PARP8: variants seen among roughly 807,000 people sequenced by gnomAD.
PARP8 encodes poly(ADP-ribose) polymerase family member 8, also known as protein mono-ADP-ribosyltransferase PARP8.
PARP8 carries 51 observed loss-of-function variants against 124.1 expected under a neutral mutation model. The ratio of observed to expected loss-of-function variants is 0.41; its 90% CI spans 0.33 to 0.52. PARP8 has a LOEUF of 0.52. Ranked by LOEUF, PARP8 falls within the 20% of genes least tolerant of loss-of-function variation. PARP8 has a pLI of 0.21. For synonymous variants in PARP8, 391 were observed against 361.5 expected, an observed-to-expected ratio of 1.08 and a Z score of -0.93; for missense variants, 860 against 1,018.9, an observed-to-expected ratio of 0.84 and a Z score of 2.12.
chr5:50,785,538 C>G (rs183688348), intron 9 of PARP8, among the ~76,000 whole-genome samples: 82 of 152,258 alleles, frequency 5.4e-4, no homozygotes, highest in Admixed American at 4.6e-3. Context: ...AGAGAAAATA[C>G]AGTGCTTTCT....
rs868321289 is a variant in PARP8 at position 50,668,324 on chromosome 5, G to C, written c.146+199G>C. The C allele has an allele frequency of 4.5e-5, 27 of 597,610 alleles. No homozygotes were observed. In the Admixed American group the frequency reaches 7.1e-4, roughly 16 times the overall value. 37.0% of individuals were successfully genotyped at this position (597,610 alleles called of 1,614,324 possible). ...AATCAATGTTTGATTCAGGTGTTTC[G>C]AGGACCACGCCACAGGCAATGAGCA... is the stretch of plus-strand genomic sequence containing the variant. On this transcript the variant is annotated intron_variant, in intron 2 of 25. Transcript: ENST00000281631.
intron 2 of PARP8, among the ~76,000 whole-genome samples, chr5:50,742,728 CTG>C (rs1477453118): frequency 1.3e-5 from 2 of 152,170 alleles, no homozygotes; most frequent in Non-Finnish European, 2.9e-5. Flanking sequence ...AACCACATGT[CTG>C]TAGGGCACCA....
intron 16 of PARP8, among the ~76,000 whole-genome samples, chr5:50,821,916 A>G (rs1296978960): frequency 6.6e-6 from 1 of 152,244 alleles, no homozygotes; most frequent in Non-Finnish European, 1.5e-5. Flanking sequence ...TATCATTTGT[A>G]TACTGTCAAC....
intron 25 of PARP8, among the ~76,000 whole-genome samples, chr5:50,841,274 G>A (rs1379162786): frequency 6.6e-6 from 1 of 151,774 alleles, no homozygotes; most frequent in Non-Finnish European, 1.5e-5. Flanking sequence ...TATTGCCCAA[G>A]TAACTGTATT....
chr5:50,714,224 A>G (rs947794409), intron 2 of PARP8, among the ~76,000 whole-genome samples: 1 of 151,766 alleles, frequency 6.6e-6, no homozygotes, highest in African/African-American at 2.4e-5. Flanking sequence ...TTGGAACTCA[A>G]TACCTTACAC....
chr5:50,708,712 A>G (rs192020438), intron 2 of PARP8, among the ~76,000 whole-genome samples: 3 of 148,702 alleles, frequency 2.0e-5, no homozygotes, highest in Non-Finnish European at 2.9e-5. Context: ...AAAAATACCT[A>G]TCAGGCTTGG....
At chr5:50,812,641 T>C (rs1307425944) in intron 14 of PARP8, among the ~76,000 whole-genome samples, 6 of 152,146 alleles carry the variant, frequency 3.9e-5, no homozygotes, top group Non-Finnish European at 7.4e-5. Context: ...CCATTGCTTT[T>C]GGTGTTTTAG....
intron 2 of PARP8, among the ~76,000 whole-genome samples, chr5:50,749,746 G>T (rs1297672794): frequency 2.6e-5 from 4 of 152,042 alleles, no homozygotes; most frequent in Non-Finnish European, 4.4e-5. Context: ...CTATTAAAAT[G>T]TTTAAATTCT....
At chr5:50,727,717 G>A (rs1010706300) in intron 2 of PARP8, among the ~76,000 whole-genome samples, 1 of 152,006 alleles carries the variant, frequency 6.6e-6, no homozygotes, top group Non-Finnish European at 1.5e-5. Context: ...AATGAGGATG[G>A]TATATTCAAA....
chr5:50,677,916 A>T (rs894746867), intron 2 of PARP8, among the ~76,000 whole-genome samples: 1 of 150,532 alleles, frequency 6.6e-6, no homozygotes. Context: ...ATTCTGATTT[A>T]CAGAAATTAA....
At chr5:50,696,618 T>G (rs1359559642) in intron 2 of PARP8, among the ~76,000 whole-genome samples, 1 of 152,200 alleles carries the variant, frequency 6.6e-6, no homozygotes, top group Non-Finnish European at 1.5e-5. Context: ...TCCTTACTAC[T>G]CTGATAGGCC....
chr5:50,817,463 T>G (rs1269491523), intron 15 of PARP8, among the ~76,000 whole-genome samples: 1 of 152,208 alleles, frequency 6.6e-6, no homozygotes, highest in Admixed American at 6.5e-5. Context: ...CACCTCAGGA[T>G]CTCATTGCCT....
intron 2 of PARP8, among the ~76,000 whole-genome samples, chr5:50,734,054 T>TCCC (rs2149522928): frequency 6.6e-6 from 1 of 152,322 alleles, no homozygotes; most frequent in Admixed American, 6.5e-5. Context: ...GAAAAATACT[T>TCCC]TTGGAAGCAT....
chr5:50,769,734 A>G (rs1052080861), intron 7 of PARP8, among the ~76,000 whole-genome samples: 6 of 151,850 alleles, frequency 4.0e-5, no homozygotes, highest in African/African-American at 1.4e-4. Flanking sequence ...GAAGTGAAAG[A>G]ACAGAACCAC....
chr5:50,702,615 T>A (rs1227966910), intron 2 of PARP8, among the ~76,000 whole-genome samples: 1 of 151,618 alleles, frequency 6.6e-6, no homozygotes, highest in Non-Finnish European at 1.5e-5. Context: ...CTAGAAAATG[T>A]ATAAAATCTG....
chr5:50,816,510 A>T (rs1745122343), intron 15 of PARP8, among the ~76,000 whole-genome samples: 1 of 152,204 alleles, frequency 6.6e-6, no homozygotes, highest in Non-Finnish European at 1.5e-5. Context: ...TTAGGAATGT[A>T]CACACTCCTT....
chr5:50,767,171 C>T (rs1353957677), intron 7 of PARP8, among the ~76,000 whole-genome samples: 1 of 152,096 alleles, frequency 6.6e-6, no homozygotes, highest in Non-Finnish European at 1.5e-5. Context: ...ACCCCCAATT[C>T]TATATTAACA....
intron 2 of PARP8, among the ~76,000 whole-genome samples, chr5:50,703,156 A>AG (rs1349527029): frequency 6.6e-6 from 1 of 151,806 alleles, no homozygotes; most frequent in Non-Finnish European, 1.5e-5. Flanking sequence ...CAAACAATAG[A>AG]GGGGTGTGGC....
chr5:50,771,240 A>G (rs936741355), intron 7 of PARP8, among the ~76,000 whole-genome samples: 1 of 151,644 alleles, frequency 6.6e-6, no homozygotes, highest in East Asian at 1.9e-4. Flanking sequence ...GCTCACTGCA[A>G]CCTCCACCTC....
Sources: allele counts gnomAD v4.1 joint callset (sites outside exome capture counted in the v4.1 genomes callset), GRCh38; gene constraint gnomAD v4.1.1; transcripts MANE v1.5; gene names NCBI Gene and HGNC (gene_info 2026-07-23, HGNC 2026-07-21).